The following TRIM44 variants were observed in gnomAD, a reference collection of about 807,000 sequenced individuals.
TRIM44 encodes tripartite motif-containing protein 44.
Under a neutral mutation model 37.4 loss-of-function variants are expected in TRIM44, and 13 were observed. That is an observed-to-expected ratio of 0.35 (90% CI 0.23 to 0.55). The LOEUF (loss-of-function observed/expected upper bound fraction) is 0.55, where lower values mean the gene tolerates loss of function less well. Among genes scored for constraint, TRIM44 ranks in the 20% least tolerant of loss-of-function variants. The pLI is 0.89. For missense variants in TRIM44, 426 were observed against 437.2 expected (o/e 0.97, Z 0.23); for synonymous variants, 175 against 157.2 (o/e 1.11, Z -0.85).
At chr11:35,800,179 C>G (rs1029025834) in intron 4 of TRIM44, among the ~76,000 whole-genome samples, 6 of 152,120 alleles carry the variant, frequency 3.9e-5, no homozygotes, top group Admixed American at 6.5e-5. Flanking sequence ...TTCTTCCTTC[C>G]AGTGGGTTTG....
chr11:35,696,164 A>C lies in TRIM44; in HGVS notation c.747+10828A>C, dbSNP rs1284539465. ...TTTTTTTTTTTTTTTTTTGAGACGG[A>C]GTCTCGAGATGCTCTGTCGCCCAGT... is the stretch of plus-strand genomic sequence containing the variant. On this transcript the variant is annotated intron_variant, in intron 2 of 4. Coordinates refer to ENST00000299413, the MANE Select transcript of TRIM44 (RefSeq NM_017583.6). 2.1e-5 allele frequency among the ~76,000 whole-genome samples: 3 copies of C among 140,646 alleles called. No homozygotes were observed. In the Admixed American group the frequency reaches 2.2e-4, roughly 10 times the overall value. The allele number at this position is 140,646 out of a possible 152,430, so 92.3% of individuals were successfully genotyped here.
chr11:35,742,985 T>G (rs868050303), intron 4 of TRIM44, among the ~76,000 whole-genome samples: 22 of 151,810 alleles, frequency 1.4e-4, no homozygotes, highest in Non-Finnish European at 4.4e-5. Flanking sequence ...CTCTTAACTA[T>G]TGCAGTATAA....
At chr11:35,681,200 C>T (rs761905099) in intron 1 of TRIM44, among the ~76,000 whole-genome samples, 5 of 152,092 alleles carry the variant, frequency 3.3e-5, no homozygotes, top group African/African-American at 7.2e-5. Flanking sequence ...AGAGTATAAG[C>T]GCTCTGAGCT....
At chr11:35,778,727 C>A (rs1190368023) in intron 4 of TRIM44, among the ~76,000 whole-genome samples, 1 of 152,178 alleles carries the variant, frequency 6.6e-6, no homozygotes, top group East Asian at 1.9e-4. Flanking sequence ...GCTGGAGGTC[C>A]ACTCCAGTCC....
intron 4 of TRIM44, among the ~76,000 whole-genome samples, chr11:35,755,697 G>T (rs981682432): frequency 1.2e-4 from 18 of 152,230 alleles, no homozygotes; most frequent in African/African-American, 4.1e-4. Flanking sequence ...TGTAAGGAAG[G>T]GATCCAGTTT....
At chr11:35,729,610 C>T (rs1590548746) in intron 3 of TRIM44, among the ~76,000 whole-genome samples, 1 of 152,260 alleles carries the variant, frequency 6.6e-6, no homozygotes, top group Non-Finnish European at 1.5e-5. Flanking sequence ...TGGTTTCCCT[C>T]CTCCTCCCCA....
intron 4 of TRIM44, among the ~76,000 whole-genome samples, chr11:35,741,662 G>A (rs951077544): frequency 1.3e-5 from 2 of 152,170 alleles, no homozygotes; most frequent in African/African-American, 2.4e-5. Context: ...CAGTAGTTAC[G>A]ATGCTTGGCA....
intron 4 of TRIM44, among the ~76,000 whole-genome samples, chr11:35,788,090 C>T (rs1382881572): frequency 2.0e-5 from 3 of 152,142 alleles, no homozygotes; most frequent in Non-Finnish European, 4.4e-5. Context: ...CCCCCATGAA[C>T]AGTAGAGCCA....
chr11:35,770,775 G>C (rs1054697460), intron 4 of TRIM44, among the ~76,000 whole-genome samples: 1 of 152,086 alleles, frequency 6.6e-6, no homozygotes, highest in Non-Finnish European at 1.5e-5. Flanking sequence ...GGGACCCAGT[G>C]GGAGATAATT....
chr11:35,779,476 C>G (rs1231496064), intron 4 of TRIM44, among the ~76,000 whole-genome samples: 1 of 152,120 alleles, frequency 6.6e-6, no homozygotes, highest in Non-Finnish European at 1.5e-5. Context: ...TGAGATGAAC[C>G]TGGTACCTCA....
chr11:35,750,856 G>T (rs748341992), intron 4 of TRIM44, among the ~76,000 whole-genome samples: 1 of 151,920 alleles, frequency 6.6e-6, no homozygotes, highest in Non-Finnish European at 1.5e-5. Flanking sequence ...GCTATCAGGG[G>T]TATAGAAAAT....
chr11:35,750,607 CA>C (rs1452923338), intron 4 of TRIM44, among the ~76,000 whole-genome samples: 2 of 152,226 alleles, frequency 1.3e-5, no homozygotes, highest in East Asian at 3.9e-4. Context: ...CTCTTAACCC[CA>C]TCACATAAAT....
At chr11:35,670,511 G>C (rs1851382181) in intron 1 of TRIM44, among the ~76,000 whole-genome samples, 1 of 152,080 alleles carries the variant, frequency 6.6e-6, no homozygotes, top group Non-Finnish European at 1.5e-5. Flanking sequence ...ACAAGGTTTT[G>C]GGAGAATATA....
At chr11:35,723,559 T>C (rs772877544) in intron 2 of TRIM44, among the ~76,000 whole-genome samples, 2 of 152,230 alleles carry the variant, frequency 1.3e-5, no homozygotes, top group Admixed American at 6.5e-5. Flanking sequence ...ATTTGTGACC[T>C]GATCTGTATA....
chr11:35,718,918 G>T (rs1313693396), intron 2 of TRIM44, among the ~76,000 whole-genome samples: 1 of 150,278 alleles, frequency 6.7e-6, no homozygotes, highest in African/African-American at 2.5e-5. Flanking sequence ...TTTTTTTGGT[G>T]GGGCGGGGGG....
chr11:35,776,566 G>A (rs1852965865), intron 4 of TRIM44, among the ~76,000 whole-genome samples: 1 of 152,106 alleles, frequency 6.6e-6, no homozygotes, highest in Non-Finnish European at 1.5e-5. Context: ...GTCAATTTTA[G>A]ATCTTTCCTG....
At chr11:35,701,765 C>T (rs1474619812) in intron 2 of TRIM44, among the ~76,000 whole-genome samples, 1 of 152,166 alleles carries the variant, frequency 6.6e-6, no homozygotes, top group African/African-American at 2.4e-5. Context: ...CAGCTTAAGA[C>T]CAGCCTCAGA....
In TRIM44 at chr11:35,806,445, A is replaced by G. The variant is rs1261636642; in HGVS notation, c.*60A>G. 1.9e-6 allele frequency: 3 copies of G among 1,573,596 alleles called. No individual in the cohort carries two copies. Among genetic ancestry groups the G allele is most frequent in the South Asian group, 1.1e-5 (1 of 89,978 alleles). ...CCCTTGTGTGTATGTGACAGCGTGT[A>G]TGTAACGGCTTCTGATTTCTGTGAA... On this transcript the variant is annotated 3_prime_UTR_variant, in exon 5 of 5. Transcript: ENST00000299413.
chr11:35,763,478 G>A (rs1235470155), intron 4 of TRIM44, among the ~76,000 whole-genome samples: 1 of 152,182 alleles, frequency 6.6e-6, no homozygotes, highest in African/African-American at 2.4e-5. Context: ...AAAATTAGCT[G>A]TGCTACTAAG....
Sources: gnomAD v4.1 joint callset for allele counts (sites outside exome capture counted in the v4.1 genomes callset) on GRCh38, gnomAD v4.1.1 for gene constraint, MANE v1.5 for transcripts, NCBI Gene and HGNC (gene_info 2026-07-23, HGNC 2026-07-21) for gene names.